Variants in SH3GL2 observed in about 807,000 individuals in gnomAD.
SH3GL2 encodes the protein endophilin-A1.
A neutral mutation model predicts 46.0 loss-of-function variants in SH3GL2; 24 were observed. That is an observed-to-expected ratio of 0.52 (90% CI 0.38 to 0.73). The LOEUF is 0.73. SH3GL2 is among the 30% of genes least tolerant of loss of function. The pLI, the probability that SH3GL2 is intolerant of heterozygous loss-of-function variation, is 0.00. For missense variants in SH3GL2, 413 were observed against 424.2 expected (o/e 0.97, Z 0.23); for synonymous variants, 196 against 147.1 (o/e 1.33, Z -2.40).
chr9:17,642,618 C>T (rs761529611), intron 1 of SH3GL2, among the ~76,000 whole-genome samples: 10 of 152,164 alleles, frequency 6.6e-5, no homozygotes, highest in Admixed American at 2.0e-4. Context: ...GAATCTTTTT[C>T]CCATTACTTG....
intron 1 of SH3GL2, among the ~76,000 whole-genome samples, chr9:17,618,824 G>A (rs889274622): frequency 6.8e-6 from 1 of 146,378 alleles, no homozygotes; most frequent in Non-Finnish European, 1.5e-5. Flanking sequence ...TGTGGTTTAA[G>A]GAGTTGAAAG....
chr9:17,796,382 C>T lies in SH3GL2; in HGVS notation c.*639C>T, dbSNP rs1412213643. On this transcript the variant is annotated 3_prime_UTR_variant, in exon 9 of 9. Transcript: ENST00000380607. ...TCCCTCCTTGCTATTAAAGCCAGAG[C>T]GGTAATTCCAAATTATTTTTCAGTA... 2.0e-5 allele frequency: 3 copies of T among 152,434 alleles called. No individual in the cohort carries two copies. Among genetic ancestry groups the T allele is most frequent in the Admixed American group, 6.5e-5 (1 of 15,278 alleles). The allele number at this position is 152,434 out of a possible 1,614,324, so 9.4% of individuals were successfully genotyped here.
intron 1 of SH3GL2, among the ~76,000 whole-genome samples, chr9:17,719,979 C>A (rs59054888): frequency 0.091 from 10,542 of 116,418 alleles, 478 homozygotes; most frequent in Admixed American, 0.15. Context: ...TTAAAAAAAA[C>A]CTCCTCTTTA....
At chr9:17,728,153 C>G (rs12341417) in intron 1 of SH3GL2, among the ~76,000 whole-genome samples, 3 of 151,912 alleles carry the variant, frequency 2.0e-5, no homozygotes, top group African/African-American at 7.3e-5. Context: ...GATTTCTATG[C>G]GAATCTAGTC....
intron 1 of SH3GL2, among the ~76,000 whole-genome samples, chr9:17,587,887 A>T (rs1296809972): frequency 6.8e-6 from 1 of 147,720 alleles, no homozygotes; most frequent in Non-Finnish European, 1.5e-5. Context: ...ACTGTCTCAA[A>T]AAAACAAAAA....
chr9:17,596,719 T>C (rs1588163141), intron 1 of SH3GL2, among the ~76,000 whole-genome samples: 2 of 152,192 alleles, frequency 1.3e-5, no homozygotes, highest in African/African-American at 2.4e-5. Context: ...ATACAAAGTT[T>C]AGGAAGCCAT....
intron 3 of SH3GL2, among the ~76,000 whole-genome samples, chr9:17,785,004 C>T (rs959902686): frequency 5.3e-5 from 8 of 152,194 alleles, no homozygotes; most frequent in Non-Finnish European, 4.4e-5. Context: ...TAAGCCACCA[C>T]ACTTAGCCTG....
intron 1 of SH3GL2, among the ~76,000 whole-genome samples, chr9:17,674,506 T>C (rs1820557672): frequency 6.6e-6 from 1 of 152,140 alleles, no homozygotes; most frequent in Non-Finnish European, 1.5e-5. Context: ...CCTCAAACAA[T>C]CTGCCCACCT....
chr9:17,621,618 G>A (rs1273714099), intron 1 of SH3GL2, among the ~76,000 whole-genome samples: 1 of 152,192 alleles, frequency 6.6e-6, no homozygotes, highest in Non-Finnish European at 1.5e-5. Context: ...AAGTATTGAT[G>A]TCAGGATGAT....
chr9:17,591,567 T>C, intron 1 of SH3GL2, among the ~76,000 whole-genome samples: 1 of 152,216 alleles, frequency 6.6e-6, no homozygotes, highest in East Asian at 1.9e-4. Flanking sequence ...TTGTATCAGT[T>C]ATTCAGGAAA....
At chr9:17,660,080 G>C (rs1216374860) in intron 1 of SH3GL2, among the ~76,000 whole-genome samples, 1 of 152,194 alleles carries the variant, frequency 6.6e-6, no homozygotes, top group African/African-American at 2.4e-5. Flanking sequence ...CTTTGAGTTA[G>C]AGTTGCCTCA....
intron 1 of SH3GL2, among the ~76,000 whole-genome samples, chr9:17,710,501 A>G (rs1005333298): frequency 5.9e-5 from 9 of 151,930 alleles, no homozygotes; most frequent in Admixed American, 5.3e-4. Flanking sequence ...GAATTTTTCA[A>G]CAAATTAAAA....
chr9:17,652,705 T>C (rs1024934511), intron 1 of SH3GL2, among the ~76,000 whole-genome samples: 1 of 152,192 alleles, frequency 6.6e-6, no homozygotes, highest in East Asian at 1.9e-4. Context: ...GAAATGCTCA[T>C]TGGAGCATTA....
chr9:17,789,804 A>T, intron 6 of SH3GL2: 1 of 973,412 alleles, frequency 1.0e-6, no homozygotes, highest in Non-Finnish European at 1.2e-6. Flanking sequence ...TCCTTAACTT[A>T]TGATGGGGTT....
rs55910832 is a variant in SH3GL2, at chr9:17,622,762, C to A, written c.45+43475C>A. Among the ~76,000 whole-genome samples, 6 of 152,154 alleles carry A rather than the reference C, an allele frequency of 3.9e-5. No individual in the cohort carries two copies. The South Asian group carries it at 1.2e-3, about 32-fold the overall frequency. ...CAAAATGAGGAAGTCAGAGCAGGCA[C>A]GGTAAGTAAAGAATAATGGATCCTG... is the stretch of plus-strand genomic sequence containing the variant. On this transcript the variant is annotated intron_variant, in intron 1 of 8. Coordinates refer to ENST00000380607, the MANE Select transcript of SH3GL2 (RefSeq NM_003026.5).
At chr9:17,675,647 A>G (rs1158126063) in intron 1 of SH3GL2, among the ~76,000 whole-genome samples, 1 of 152,186 alleles carries the variant, frequency 6.6e-6, no homozygotes, top group African/African-American at 2.4e-5. Flanking sequence ...AAATATACTG[A>G]TAAACATGCT....
chr9:17,691,609 G>T (rs1821080725), intron 1 of SH3GL2, among the ~76,000 whole-genome samples: 1 of 152,082 alleles, frequency 6.6e-6, no homozygotes, highest in Non-Finnish European at 1.5e-5. Context: ...TATGAAATAA[G>T]ACTGGATTTT....
chr9:17,596,852 A>G (rs930149255), intron 1 of SH3GL2, among the ~76,000 whole-genome samples: 1 of 152,208 alleles, frequency 6.6e-6, no homozygotes, highest in African/African-American at 2.4e-5. Context: ...TTTCTCCCAA[A>G]GAGGACACGT....
At chr9:17,724,573 A>G (rs10756903) in intron 1 of SH3GL2, among the ~76,000 whole-genome samples, 79,686 of 151,804 alleles carry the variant, frequency 0.52, 21,592 homozygotes, top group East Asian at 0.66. Context: ...GTGTGTGGAT[A>G]TGTGTGTGCA....
Sources: allele counts gnomAD v4.1 joint callset (sites outside exome capture counted in the v4.1 genomes callset), GRCh38; gene constraint gnomAD v4.1.1; transcripts MANE v1.5; gene names NCBI Gene and HGNC (gene_info 2026-07-23, HGNC 2026-07-21).